The following DAXX variants were observed in gnomAD, a reference collection of about 807,000 sequenced individuals.
DAXX encodes the protein death domain-associated protein 6.
In DAXX, 24 loss-of-function variants were observed where a neutral mutation model predicts 61.9. The observed-to-expected ratio is 0.39, with a 90% CI of 0.28 to 0.55. The LOEUF (loss-of-function observed/expected upper bound fraction) is 0.55, where lower values mean the gene tolerates loss of function less well. Among genes scored for constraint, DAXX ranks in the 20% least tolerant of loss-of-function variants. DAXX has a pLI of 0.69. For missense variants in DAXX, 819 were observed against 935.3 expected, an observed-to-expected ratio of 0.88 and a Z score of 1.62; for synonymous variants, 357 against 369.5, an observed-to-expected ratio of 0.97 and a Z score of 0.39.
Position 33,321,166 on chromosome 6 carries a change from C to T in DAXX, c.609G>A (p.Arg203=). ...QLLALYVAEI[R]RLQEKELDLS... Reference sequence around the variant, plus strand: ...GATCCAACTCCTTTTCCTGCAGCCGCCGGATCTCTGCCACATAGAGCGCCA... The same window carrying T: ...GATCCAACTCCTTTTCCTGCAGCCGTCGGATCTCTGCCACATAGAGCGCCA... The change falls in exon 3 of 8, where the codon CGG becomes CGA. Residue 203 remains arginine, a synonymous_variant. Transcript: ENST00000374542. The surrounding 1 kb of genome is among the most constrained non-coding windows in gnomAD (Gnocchi z 7.2). The T allele has an allele frequency of 6.2e-7, 1 of 1,613,822 alleles. No homozygotes were observed. The highest frequency in any genetic ancestry group is 8.5e-7 in the Non-Finnish European group (1 of 1,179,722).
At position 33,320,192 on chromosome 6, in the gene DAXX, A is replaced by G. The variant is rs1423997141; in HGVS notation, c.1284T>C (p.Pro428=). Residue 428 remains proline, a synonymous_variant, in exon 5 of 8, where the codon CCT becomes CCC. Coordinates refer to ENST00000374542, the MANE Select transcript of DAXX (RefSeq NM_001141969.2). This position sits in a 1 kb window ranked among gnomAD's most constrained non-coding sequence, Gnocchi z 7.1. ...GPSGMASQGC[P]SASRAETDDE... is the part of the protein sequence containing the mutation. ...CATCTGTCTCAGCTCTGGAGGCAGA[A>G]GGGCACCCCTGGGATGCCATTCCAC... 5.6e-6 allele frequency: 9 copies of G among 1,613,432 alleles called. No individual in the cohort carries two copies. Among genetic ancestry groups the G allele is most frequent in the Non-Finnish European group, 7.6e-6 (9 of 1,179,438 alleles).
In DAXX at chr6:33,319,014, G is replaced by A. The variant is rs369424162; in HGVS notation, c.2146C>T (p.Arg716Trp). 7.4e-6 allele frequency: 12 copies of A among 1,613,166 alleles called. No homozygotes were observed. Among genetic ancestry groups the A allele is most frequent in the East Asian group, 2.2e-5 (1 of 44,898 alleles). ...CTTCTTACCTTGCAAGTACCAGGCC[G>A]AGGAGGCTGTGAATGGGGGGTTTGG... The part of the protein sequence containing the change: ...LSQTPHSQPP[R>W]PGTCKTSVAT... The change falls in exon 7 of 8, where the codon CGG becomes TGG. Residue 716 changes from arginine to tryptophan, a missense_variant. Coordinates refer to ENST00000374542, the MANE Select transcript of DAXX (RefSeq NM_001141969.2).
At position 33,319,772 on chromosome 6, in the gene DAXX, TCTG is replaced by T; in HGVS notation, c.1545_1547del (p.Ser515del). 3 of 1,614,198 alleles carry T rather than the reference TCTG, an allele frequency of 1.9e-6. No individual in the cohort carries two copies. Among genetic ancestry groups the T allele is most frequent in the Non-Finnish European group, 2.5e-6 (3 of 1,180,042 alleles). On this transcript the variant is annotated inframe_deletion, in exon 6 of 8. Coordinates refer to ENST00000374542, the MANE Select transcript of DAXX (RefSeq NM_001141969.2). ...CTTTGTTTTGCTGCTCCCCTGAAGA[TCTG>T]CTGATCTGTTTGCCAGGTTCCAGGT...
Position 33,319,573 on chromosome 6 carries a change from C to T in DAXX, c.1747G>A (p.Glu583Lys). The T allele has an allele frequency of 6.2e-7, 1 of 1,614,176 alleles. No individual in the cohort carries two copies. Residue 583 changes from glutamate to lysine, a missense_variant, in exon 6 of 8, where the codon GAG becomes AAG. By Grantham distance (56) the Glu-to-Lys change is moderately conservative. Coordinates refer to ENST00000374542, the MANE Select transcript of DAXX (RefSeq NM_001141969.2). The part of the protein sequence containing the change: ...ALPLDTPSSV[E>K]TDISSSRKQS... ...TTCCTGGAAGAGGAAATGTCCGTCT[C>T]CACAGAGGAAGGGGTATCCAGGGGC...
chr6:33,319,824 G>A lies in DAXX; in HGVS notation c.1496C>T (p.Ser499Leu). 6.2e-7 allele frequency: 1 copy of A among 1,613,008 alleles called. No individual in the cohort carries two copies. The highest frequency in any genetic ancestry group is 8.5e-7 in the Non-Finnish European group (1 of 1,179,534). The change falls in exon 6 of 8, where the codon TCA (serine) becomes TTA (leucine). Residue 499 changes from serine to leucine, a missense_variant. Coordinates refer to ENST00000374542, the MANE Select transcript of DAXX (RefSeq NM_001141969.2). ...GTTCTTTTCATTGGAGATCTGTAGT[G>A]AGGACATGGGGCTCTTGTCTCCATC... ...GKDGDKSPMS[S>L]LQISNEKNLE...
chr6:33,318,785 T>C lies in DAXX; in HGVS notation c.2181A>G (p.Gln727=), dbSNP rs1770145043. ...PGTCKTSVAT[Q]CDPEEIIVLS... ...GCACGATGATCTCTTCTGGATCGCA[T>C]TGTGTGGCCACACTTGTCTGCAGGG... The change falls in exon 8 of 8, where the codon CAA becomes CAG. Residue 727 remains glutamine (Q), a synonymous_variant. Transcript: ENST00000374542. 2 of 1,558,814 alleles carry C rather than the reference T, an allele frequency of 1.3e-6. No individual in the cohort carries two copies. Among genetic ancestry groups the C allele is most frequent in the African/African-American group, 1.4e-5 (1 of 72,946 alleles).
Position 33,321,824 on chromosome 6 carries a change from A to C in DAXX, c.102T>G (p.Pro34=). The change falls in exon 2 of 8, where the codon CCT becomes CCG. Residue 34 remains proline (P), a synonymous_variant. Transcript: ENST00000374542. This position sits in a 1 kb window ranked among gnomAD's most constrained non-coding sequence, Gnocchi z 7.2. ...PSHPLPNAAS[P]GAEAPSSSEP... is the part of the protein sequence containing the mutation. ...CAGAGGAGCTAGGGGCTTCTGCCCC[A>C]GGTGAGGCCGCATTGGGGAGTGGGT... 1 of 1,608,756 alleles carries C rather than the reference A, an allele frequency of 6.2e-7. No homozygotes were observed. Among genetic ancestry groups the C allele is most frequent in the Non-Finnish European group, 8.5e-7 (1 of 1,175,628 alleles).
chr6:33,319,267 C>G, intron 6 of DAXX, 48 bp from the exon 7 acceptor site: 1 of 1,566,038 alleles, frequency 6.4e-7, no homozygotes, highest in Non-Finnish European at 8.7e-7. Flanking sequence ...AAGACTGAGG[C>G]TGGAGGGGGG....
rs2150997128 is a variant in DAXX at position 33,321,364 on chromosome 6, G to A, written c.411C>T (p.His137=). 3 of 1,613,690 alleles carry A rather than the reference G, an allele frequency of 1.9e-6. No individual in the cohort carries two copies. The change falls in exon 3 of 8, where the codon CAC becomes CAT. Residue 137 remains histidine (H), a synonymous_variant. Coordinates refer to ENST00000374542, the MANE Select transcript of DAXX (RefSeq NM_001141969.2). The surrounding 1 kb of genome is among the most constrained non-coding windows in gnomAD (Gnocchi z 7.2). ...INELCTVLKA[H]SAKKKLNLAP... Reference sequence around the variant, plus strand: ...CCAAGTTCAGCTTCTTTTTGGCTGAGTGGGCCTTGAGAACAGTGCAGAGCT... The same window carrying A: ...CCAAGTTCAGCTTCTTTTTGGCTGAATGGGCCTTGAGAACAGTGCAGAGCT...
Position 33,320,111 on chromosome 6 carries a change from CTCT to C in DAXX, c.1362_1364del (p.Glu457del), listed in dbSNP as rs749346133. The C allele has an allele frequency of 1.1e-4, 175 of 1,613,680 alleles. No homozygotes were observed. Among genetic ancestry groups the C allele is most frequent in the Middle Eastern group, 3.3e-4 (2 of 6,084 alleles). On this transcript the variant is annotated inframe_deletion, in exon 5 of 8. Transcript: ENST00000374542. This position sits in a 1 kb window ranked among gnomAD's most constrained non-coding sequence, Gnocchi z 7.1. ...CCTCTTCAGAATCTGTGGCCTCCTC[CTCT>C]TCTTCTTCCTCCTCCTCCTCCTCTT...
Position 33,321,160 on chromosome 6 carries a change from C to T in DAXX, c.615G>A (p.Leu205=), listed in dbSNP as rs2150995947. ...CTGAGAGATCCAACTCCTTTTCCTG[C>T]AGCCGCCGGATCTCTGCCACATAGA... ...LALYVAEIRR[L]QEKELDLSEL... Residue 205 remains leucine (L), a synonymous_variant, in exon 3 of 8, where the codon CTG becomes CTA. Transcript: ENST00000374542. The surrounding 1 kb of genome is among the most constrained non-coding windows in gnomAD (Gnocchi z 7.2). The T allele has an allele frequency of 6.2e-7, 1 of 1,613,686 alleles. No homozygotes were observed. Among genetic ancestry groups the T allele is most frequent in the Non-Finnish European group, 8.5e-7 (1 of 1,179,628 alleles).
intron 7 of DAXX, 78 bp downstream of exon 7, chr6:33,318,919 G>A (rs1438507287): frequency 2.7e-5 from 37 of 1,374,780 alleles, no homozygotes; most frequent in Non-Finnish European, 3.6e-5. Context: ...GTGGCACGTG[G>A]AATATTCAGA....
In DAXX at chr6:33,320,143, C is replaced by T. The variant is rs1341132178; in HGVS notation, c.1333G>A (p.Glu445Lys). The change falls in exon 5 of 8, where the codon GAG (glutamate) becomes AAG (lysine). Residue 445 changes from glutamate (E) to lysine (K), a missense_variant. Transcript: ENST00000374542. This position sits in a 1 kb window ranked among gnomAD's most constrained non-coding sequence, Gnocchi z 7.1. ...TCTTCCTCCTCCTCCTCCTCTTCCT[C>T]ATCACTCTCCTCATCGTCTTCGTCA... ...TDDEDDEESD[E>K]EEEEEEEEEE... 6.2e-7 allele frequency: 1 copy of T among 1,614,112 alleles called. No homozygotes were observed.
rs183733170 is a variant in DAXX at position 33,321,610 on chromosome 6, G to A, written c.208-43C>T. ...AGAAGGAAGGGGAAGAGAGACAAGG[G>A]AGGGGGTTGAGAGAAAGGGGAGGTG... On this transcript the variant is annotated intron_variant, in intron 2 of 7. Transcript: ENST00000374542. This position sits in a 1 kb window ranked among gnomAD's most constrained non-coding sequence, Gnocchi z 7.2. 7 of 1,601,878 alleles carry A rather than the reference G, an allele frequency of 4.4e-6. No homozygotes were observed. The Admixed American group carries it at 6.7e-5, about 15-fold the overall frequency.
At position 33,322,890 on chromosome 6, in the gene DAXX, C is replaced by A. The variant is rs761718762; in HGVS notation, c.-81G>T. On this transcript the variant is annotated 5_prime_UTR_variant, in exon 1 of 8. It introduces an in-frame stop codon into an upstream open reading frame of the 5' UTR. Coordinates refer to ENST00000374542, the MANE Select transcript of DAXX (RefSeq NM_001141969.2). The stretch of plus-strand genomic sequence containing the variant: ...AGAAACCGTCTCTCGAGGCGACCCT[C>A]GCCGCAATTCTCAGAACCTCGCATG... 1.4e-6 allele frequency: 2 copies of A among 1,442,390 alleles called. No individual in the cohort carries two copies. Among genetic ancestry groups the A allele is most frequent in the Admixed American group, 1.8e-5 (1 of 55,038 alleles). 89.3% of individuals were successfully genotyped at this position (1,442,390 alleles called of 1,614,324 possible). A position where few individuals can be genotyped will look rare whatever the true frequency, so the allele number is the denominator to read the frequency against.
Position 33,320,184 on chromosome 6 carries a change from G to A in DAXX, c.1292C>T (p.Ser431Phe), listed in dbSNP as rs1770392438. 1 of 1,613,724 alleles carries A rather than the reference G, an allele frequency of 6.2e-7. No individual in the cohort carries two copies. The highest frequency in any genetic ancestry group is 1.6e-4 in the Middle Eastern group (1 of 6,082). ...GTCTTCGTCATCTGTCTCAGCTCTG[G>A]AGGCAGAAGGGCACCCCTGGGATGC... is the stretch of plus-strand genomic sequence containing the variant. The part of the protein sequence containing the change: ...GMASQGCPSA[S>F]RAETDDEDDE... Residue 431 changes from serine to phenylalanine, a missense_variant, in exon 5 of 8, where the codon TCC becomes TTC. Transcript: ENST00000374542. This position sits in a 1 kb window ranked among gnomAD's most constrained non-coding sequence, Gnocchi z 7.1.
intron 1 of DAXX, 180 bp from the exon 2 acceptor site, chr6:33,322,157 G>C (rs867373541): frequency 6.5e-6 from 3 of 463,054 alleles, no homozygotes; most frequent in Admixed American, 4.0e-5. Flanking sequence ...AGTGGTGTGG[G>C]GGGGGGGCAA....
In DAXX at chr6:33,321,095, C is replaced by T. The variant is rs1450224002; in HGVS notation, c.680G>A (p.Arg227Gln). The T allele has an allele frequency of 1.9e-6, 3 of 1,612,568 alleles. No individual in the cohort carries two copies. Among genetic ancestry groups the T allele is most frequent in the Admixed American group, 1.7e-5 (1 of 60,006 alleles). Residue 227 changes from arginine (R) to glutamine (Q), a missense_variant, in exon 3 of 8, where the codon CGG becomes CAG. Coordinates refer to ENST00000374542, the MANE Select transcript of DAXX (RefSeq NM_001141969.2). This position sits in a 1 kb window ranked among gnomAD's most constrained non-coding sequence, Gnocchi z 7.2. ...DPDSAYLQEARLKRKLIRLFG... is the reference protein window; with the variant it reads ...DPDSAYLQEAQLKRKLIRLFG... Reference sequence around the variant, plus strand: ...GAGGCGGATCAGCTTACGCTTCAACCGTGCCTCCTGCAGGTATGCGGAGTC... The same window carrying T: ...GAGGCGGATCAGCTTACGCTTCAACTGTGCCTCCTGCAGGTATGCGGAGTC...
At chr6:33,322,157 G>GGC (rs1211051617) in intron 1 of DAXX, 180 bp from the exon 2 acceptor site, 7 of 463,054 alleles carry the variant, frequency 1.5e-5, no homozygotes, top group Non-Finnish European at 2.6e-5. Context: ...AGTGGTGTGG[G>GGC]GGGGGGGCAA....
Sources: gnomAD v4.1 joint callset for allele counts on GRCh38, gnomAD v4.1.1 for gene constraint, Gnocchi (gnomAD v3.1) non-coding constraint, MANE v1.5 for transcripts, NCBI Gene and HGNC (gene_info 2026-07-23, HGNC 2026-07-21) for gene names.